The following GASK1B variants were observed in gnomAD, a reference collection of about 807,000 sequenced individuals.
GASK1B encodes golgi associated kinase 1B, also known as Golgi-associated kinase 1B.
GASK1B carries 34 observed loss-of-function variants against 42.8 expected under a neutral mutation model. The observed-to-expected ratio is 0.79, with a 90% CI of 0.60 to 1.06. The LOEUF (loss-of-function observed/expected upper bound fraction) is 1.06, where lower values mean the gene tolerates loss of function less well. Among genes scored for constraint, GASK1B ranks in the 50% least tolerant of loss-of-function variants. The probability of loss-of-function intolerance (pLI) is 0.00; values close to 1 mark genes in which losing one functional copy is unlikely to be tolerated. For missense variants in GASK1B, 686 were observed against 661.0 expected (o/e 1.04, Z -0.42); for synonymous variants, 262 against 259.1 (o/e 1.01, Z -0.11).
chr4:158,157,567 G>A (rs1488683679), intron 2 of GASK1B, among the ~76,000 whole-genome samples: 4 of 152,040 alleles, frequency 2.6e-5, no homozygotes, highest in South Asian at 2.1e-4. Flanking sequence ...TACTTCAGGC[G>A]TCTAAAAACA....
At chr4:158,129,131 T>G (rs1354930442) in intron 4 of GASK1B, among the ~76,000 whole-genome samples, 1 of 152,212 alleles carries the variant, frequency 6.6e-6, no homozygotes, top group African/African-American at 2.4e-5. Flanking sequence ...ATGTGTGAAT[T>G]ATATTTTCAA....
chr4:158,141,207 CAT>C (rs1264909121), intron 3 of GASK1B, among the ~76,000 whole-genome samples: 3 of 151,998 alleles, frequency 2.0e-5, no homozygotes, highest in Non-Finnish European at 2.9e-5. Context: ...TGGAAGCAGA[CAT>C]GTGAGGAATC....
Position 158,150,584 on chromosome 4 carries a change from C to T in GASK1B, c.1125+5027G>A, listed in dbSNP as rs1161571643. ...ATGTCTATCAACCTGTGGCAGACTA[C>T]CTTGTTAACTTCCAAGTAAAGTAAA... On this transcript the variant is annotated intron_variant, in intron 3 of 4. Transcript: ENST00000585682. 4.6e-5 allele frequency among the ~76,000 whole-genome samples: 7 copies of T among 152,166 alleles called. No individual in the cohort carries two copies. In the South Asian group the frequency reaches 1.4e-3, roughly 31 times the overall value.
At position 158,164,796 on chromosome 4, in the gene GASK1B, C is replaced by T. The variant is rs1732162561; in HGVS notation, c.910+5670G>A. 2.0e-5 allele frequency among the ~76,000 whole-genome samples: 3 copies of T among 152,182 alleles called. 1 individual carries two copies. In the South Asian group the frequency reaches 6.2e-4, roughly 31 times the overall value. On this transcript the variant is annotated intron_variant, in intron 2 of 4. Transcript: ENST00000585682. ...TGAAAGCCTGAAACAATATAAAATGCAAAGCTGACATCCCCCTGCCTCGGC... is the reference window on the plus strand; with the variant it reads ...TGAAAGCCTGAAACAATATAAAATGTAAAGCTGACATCCCCCTGCCTCGGC...
At position 158,171,099 on chromosome 4, in the gene GASK1B, G is replaced by C. The variant is rs1237437047; in HGVS notation, c.277C>G (p.Pro93Ala). 3 of 1,609,640 alleles carry C rather than the reference G, an allele frequency of 1.9e-6. No homozygotes were observed. Among genetic ancestry groups the C allele is most frequent in the Non-Finnish European group, 2.5e-6 (3 of 1,176,664 alleles). ...EIPLDGTLAP[P>A]ESQGNGSTLQ... ...GTGGACCCATTGCCCTGGGACTCTG[G>C]AGGGGCCAGGGTACCATCCAGGGGT... is the stretch of plus-strand genomic sequence containing the variant. The change falls in exon 2 of 5, where the codon CCA becomes GCA. Residue 93 changes from proline (P) to alanine (A), a missense_variant. Coordinates refer to ENST00000585682, the MANE Select transcript of GASK1B (RefSeq NM_001128424.2).
intron 3 of GASK1B, 69 bp downstream of exon 3, chr4:158,155,542 C>G: frequency 7.8e-7 from 1 of 1,288,480 alleles, no homozygotes; most frequent in Non-Finnish European, 1.1e-6. Context: ...GCTGAACATT[C>G]CTTAGTGTCA....
chr4:158,141,714 C>G (rs1450296944), intron 3 of GASK1B, among the ~76,000 whole-genome samples: 6 of 146,782 alleles, frequency 4.1e-5, no homozygotes, highest in Non-Finnish European at 7.4e-5. Flanking sequence ...TCACGCCATT[C>G]TCCTGCCTCA....
intron 2 of GASK1B, chr4:158,169,960 GA>G (rs768662658): frequency 6.9e-4 from 281 of 407,454 alleles, no homozygotes; most frequent in East Asian, 6.0e-3. Context: ...TAAATCCATT[GA>G]AAAAAAAAGG....
chr4:158,155,586 T>A, intron 3 of GASK1B, 25 bp downstream of exon 3: 3 of 1,591,840 alleles, frequency 1.9e-6, no homozygotes, highest in African/African-American at 2.7e-5. Context: ...CTTAGATAAC[T>A]ATTTGCTTGA....
intron 2 of GASK1B, among the ~76,000 whole-genome samples, chr4:158,157,625 G>A (rs4691467): frequency 0.9 from 137,080 of 152,024 alleles, 62,536 homozygotes; most frequent in East Asian, 0.98. Context: ...AAAGTTATAT[G>A]CACACAAACA....
intron 3 of GASK1B, among the ~76,000 whole-genome samples, chr4:158,144,417 T>C (rs373504062): frequency 7.2e-5 from 11 of 152,340 alleles, no homozygotes; most frequent in Admixed American, 6.5e-4. Context: ...ATTTCATTTA[T>C]GACAAACTTA....
At chr4:158,131,792 C>T (rs552601624) in intron 3 of GASK1B, among the ~76,000 whole-genome samples, 1 of 152,318 alleles carries the variant, frequency 6.6e-6, no homozygotes, top group Admixed American at 6.5e-5. Flanking sequence ...TGCTTTCACA[C>T]TTCTGAGCTC....
rs369417837 is a variant in GASK1B, at chr4:158,127,153, G to A, written c.*254C>T. Reference sequence around the variant, plus strand: ...ATAACTGAAATTTCTGTTGTCAGATGTTCAGACTGACACATAGCATGATGT... The same window carrying A: ...ATAACTGAAATTTCTGTTGTCAGATATTCAGACTGACACATAGCATGATGT... On this transcript the variant is annotated 3_prime_UTR_variant, in exon 5 of 5. Transcript: ENST00000585682. 35 of 298,958 alleles carry A rather than the reference G, an allele frequency of 1.2e-4. No homozygotes were observed. The highest frequency in any genetic ancestry group is 7.4e-4 in the African/African-American group (34 of 45,902). 18.5% of individuals were successfully genotyped at this position (298,958 alleles called of 1,614,324 possible). A position where few individuals can be genotyped will look rare whatever the true frequency, so the allele number is the denominator to read the frequency against.
intron 3 of GASK1B, among the ~76,000 whole-genome samples, chr4:158,151,774 TA>T (rs1368988661): frequency 6.6e-6 from 1 of 152,154 alleles, no homozygotes; most frequent in Non-Finnish European, 1.5e-5. Flanking sequence ...AACAGACCAA[TA>T]ACAAGCAGTA....
At chr4:158,135,123 G>C (rs1053562566) in intron 3 of GASK1B, among the ~76,000 whole-genome samples, 1 of 151,912 alleles carries the variant, frequency 6.6e-6, no homozygotes, top group Admixed American at 6.6e-5. Flanking sequence ...ACAAGGTCAG[G>C]AGTTTGAGAC....
At position 158,170,931 on chromosome 4, in the gene GASK1B, A is replaced by G. The variant is rs371816850; in HGVS notation, c.445T>C (p.Ser149Pro). 9.3e-6 allele frequency: 15 copies of G among 1,614,198 alleles called. No homozygotes were observed. The highest frequency in any genetic ancestry group is 1.3e-5 in the Non-Finnish European group (15 of 1,180,036). ...CTTGCCGCTTCCTGCGGCTGAAGGG[A>G]TGGTCCGACCAAAGCCTCCTGCCCT... is the stretch of plus-strand genomic sequence containing the variant. The part of the protein sequence containing the change: ...APGQEALVGP[S>P]LQPQEAAREA... The change falls in exon 2 of 5, where the codon TCC becomes CCC. Residue 149 changes from serine to proline, a missense_variant. Ser to Pro is a moderately conservative substitution (Grantham distance 74, BLOSUM62 -1). Coordinates refer to ENST00000585682, the MANE Select transcript of GASK1B (RefSeq NM_001128424.2).
chr4:158,154,769 C>T (rs1338251813), intron 3 of GASK1B, among the ~76,000 whole-genome samples: 1 of 152,120 alleles, frequency 6.6e-6, no homozygotes, highest in Non-Finnish European at 1.5e-5. Context: ...GAAAACCAAA[C>T]ATCGTATGTT....
At chr4:158,134,140 A>G (rs7692254) in intron 3 of GASK1B, among the ~76,000 whole-genome samples, 78,953 of 151,972 alleles carry the variant, frequency 0.52, 21,906 homozygotes, top group East Asian at 0.78. Context: ...TATTCAATAT[A>G]CCAAAAATAA....
chr4:158,157,528 A>G (rs2110996670), intron 2 of GASK1B, among the ~76,000 whole-genome samples: 1 of 152,278 alleles, frequency 6.6e-6, no homozygotes, highest in East Asian at 1.9e-4. Flanking sequence ...ATACAAATAG[A>G]AAACACACAC....
Sources: gnomAD v4.1 joint callset for allele counts (sites outside exome capture counted in the v4.1 genomes callset) on GRCh38, gnomAD v4.1.1 for gene constraint, MANE v1.5 for transcripts, NCBI Gene and HGNC (gene_info 2026-07-23, HGNC 2026-07-21) for gene names.